The following CNTNAP2 variants were observed in gnomAD, a reference collection of about 807,000 sequenced individuals.
CNTNAP2 encodes the protein contactin associated protein 2.
Under a neutral mutation model 155.2 loss-of-function variants are expected in CNTNAP2, and 98 were observed. That is an observed-to-expected ratio of 0.63 (90% CI 0.54 to 0.75). CNTNAP2 has a LOEUF of 0.75. Among genes scored for constraint, CNTNAP2 ranks in the 30% least tolerant of loss-of-function variants. The probability of loss-of-function intolerance (pLI) is 0.00; values close to 1 mark genes in which losing one functional copy is unlikely to be tolerated. For missense variants in CNTNAP2, 1,727 were observed against 1,688.1 expected (o/e 1.02, Z -0.40); for synonymous variants, 651 against 631.2 (o/e 1.03, Z -0.47).
At chr7:146,259,773 T>G (rs1303953819) in intron 1 of CNTNAP2, among the ~76,000 whole-genome samples, 1 of 152,208 alleles carries the variant, frequency 6.6e-6, no homozygotes. Flanking sequence ...TTTGGAAAAT[T>G]TGCAGCGTGA....
At chr7:147,789,783 A>G (rs1961537) in intron 13 of CNTNAP2, among the ~76,000 whole-genome samples, 1 of 152,090 alleles carries the variant, frequency 6.6e-6, no homozygotes, top group African/African-American at 2.4e-5. Flanking sequence ...CCCATGCTGG[A>G]TGCTTCCTGC....
At chr7:146,716,659 C>A (rs1211230825) in intron 1 of CNTNAP2, among the ~76,000 whole-genome samples, 1 of 152,166 alleles carries the variant, frequency 6.6e-6, no homozygotes, top group Non-Finnish European at 1.5e-5. Context: ...GAACAAGTAA[C>A]TGAATGTCTC....
At chr7:146,858,451 T>C (rs920573662) in intron 3 of CNTNAP2, among the ~76,000 whole-genome samples, 5 of 152,314 alleles carry the variant, frequency 3.3e-5, no homozygotes, top group African/African-American at 1.2e-4. Flanking sequence ...CCCAGTACTT[T>C]GGGAGGCCAA....
intron 1 of CNTNAP2, among the ~76,000 whole-genome samples, chr7:146,418,136 G>T (rs1795963137): frequency 6.6e-6 from 1 of 152,198 alleles, no homozygotes; most frequent in Non-Finnish European, 1.5e-5. Context: ...AGAAGAAGAA[G>T]ATGTGACTTA....
chr7:147,759,730 A>G (rs1424815231), intron 13 of CNTNAP2, among the ~76,000 whole-genome samples: 1 of 152,198 alleles, frequency 6.6e-6, no homozygotes, highest in Admixed American at 6.5e-5. Context: ...TAAGTGATGC[A>G]TGTAGGCCAT....
chr7:146,397,609 A>G (rs1795648800), intron 1 of CNTNAP2, among the ~76,000 whole-genome samples: 1 of 152,142 alleles, frequency 6.6e-6, no homozygotes, highest in African/African-American at 2.4e-5. Flanking sequence ...TGTTTTTCCA[A>G]TGATCTCTAC....
At chr7:146,192,491 CA>C (rs1393174682) in intron 1 of CNTNAP2, among the ~76,000 whole-genome samples, 1 of 152,100 alleles carries the variant, frequency 6.6e-6, no homozygotes, top group Non-Finnish European at 1.5e-5. Flanking sequence ...AAAGGAGAAG[CA>C]AAGTCACATC....
chr7:146,616,444 T>A (rs559916109), intron 1 of CNTNAP2, among the ~76,000 whole-genome samples: 1 of 152,186 alleles, frequency 6.6e-6, no homozygotes, highest in African/African-American at 2.4e-5. Context: ...GATTGTTCAA[T>A]ATGAGGATGG....
At chr7:147,304,038 C>T (rs1563153137) in intron 9 of CNTNAP2, among the ~76,000 whole-genome samples, 1 of 152,128 alleles carries the variant, frequency 6.6e-6, no homozygotes, top group Admixed American at 6.5e-5. Context: ...CATTTTGTTT[C>T]TTTTGAAGTT....
intron 1 of CNTNAP2, among the ~76,000 whole-genome samples, chr7:146,323,250 T>C (rs1801036917): frequency 6.6e-6 from 1 of 152,276 alleles, no homozygotes; most frequent in Middle Eastern, 3.4e-3. Context: ...ATTTTTTTCC[T>C]TTTCATTAAT....
rs933573696 is a variant in CNTNAP2, at chr7:146,672,974, T to C, written c.98-101297T>C. 5.3e-5 allele frequency among the ~76,000 whole-genome samples: 8 copies of C among 152,254 alleles called. No homozygotes were observed. In the East Asian group the frequency reaches 1.5e-3, roughly 29 times the overall value. ...TTCCACTTAAAACTATCATTATAGA[T>C]TTGGTTACTACCTACTGCTCAGCAA... On this transcript the variant is annotated intron_variant, in intron 1 of 23. Coordinates refer to ENST00000361727, the MANE Select transcript of CNTNAP2 (RefSeq NM_014141.6).
rs577832646 is a variant in CNTNAP2, at chr7:146,658,013, T to C, written c.98-116258T>C. Among the ~76,000 whole-genome samples the C allele has an allele frequency of 1.3e-4, 20 of 152,180 alleles. No homozygotes were observed. In the East Asian group the frequency reaches 3.9e-3, roughly 29 times the overall value. ...TAAATATATGCATGTACAATAAATA[T>C]ATTTAAAATAATTTTTAAATTTCTA... On this transcript the variant is annotated intron_variant, in intron 1 of 23. Transcript: ENST00000361727.
chr7:148,048,160 G>C (rs919282745), intron 15 of CNTNAP2, among the ~76,000 whole-genome samples: 1 of 151,084 alleles, frequency 6.6e-6, no homozygotes, highest in East Asian at 2.0e-4. Context: ...TCCTGACCTC[G>C]TGATCCGCCC....
intron 12 of CNTNAP2, among the ~76,000 whole-genome samples, chr7:147,587,428 A>G (rs945403324): frequency 6.6e-6 from 1 of 152,212 alleles, no homozygotes; most frequent in African/African-American, 2.4e-5. Context: ...CAGAGACAAG[A>G]GAATCCCCAT....
chr7:148,203,729 A>G (rs1209937016), intron 18 of CNTNAP2, among the ~76,000 whole-genome samples: 3 of 151,718 alleles, frequency 2.0e-5, no homozygotes, highest in African/African-American at 7.3e-5. Flanking sequence ...GCCCAGCGAG[A>G]GTACATCTCA....
At position 146,181,124 on chromosome 7, in the gene CNTNAP2, G is replaced by C. The variant is rs1341508830; in HGVS notation, c.97+64151G>C. ...TTGAATGCATATGCTTCTGCAAAATGTACCATCATCAAGTTACTTTAAGCA... is the reference window on the plus strand; with the variant it reads ...TTGAATGCATATGCTTCTGCAAAATCTACCATCATCAAGTTACTTTAAGCA... On this transcript the variant is annotated intron_variant, in intron 1 of 23. Transcript: ENST00000361727. 1.3e-5 allele frequency among the ~76,000 whole-genome samples: 2 copies of C among 152,134 alleles called. 1 individual carries two copies. The highest frequency in any genetic ancestry group is 4.1e-4 in the South Asian group (2 of 4,836).
intron 13 of CNTNAP2, among the ~76,000 whole-genome samples, chr7:147,785,816 A>G (rs1584954193): frequency 6.6e-6 from 1 of 152,098 alleles, no homozygotes; most frequent in East Asian, 1.9e-4. Context: ...ACATGGTGAA[A>G]CCCCATCTCT....
At chr7:148,298,522 T>C (rs1350234039) in intron 21 of CNTNAP2, among the ~76,000 whole-genome samples, 1 of 152,088 alleles carries the variant, frequency 6.6e-6, no homozygotes, top group East Asian at 1.9e-4. Flanking sequence ...CCCACCCAGA[T>C]TGAGGGTGGG....
rs192466927 is a variant in CNTNAP2, at chr7:147,387,440, T to C, written c.1499-8169T>C. Among the ~76,000 whole-genome samples, 5 of 152,326 alleles carry C rather than the reference T, an allele frequency of 3.3e-5. No individual in the cohort carries two copies. The East Asian group carries it at 9.7e-4, about 29-fold the overall frequency. ...TCTTACACACCATGCTTTATTCTTC[T>C]CATTGAATCTCATCAGGTGGCCCCC... On this transcript the variant is annotated intron_variant, in intron 9 of 23. Coordinates refer to ENST00000361727, the MANE Select transcript of CNTNAP2 (RefSeq NM_014141.6).
Sources: allele counts gnomAD v4.1 joint callset (sites outside exome capture counted in the v4.1 genomes callset), GRCh38; gene constraint gnomAD v4.1.1; transcripts MANE v1.5; gene names NCBI Gene and HGNC (gene_info 2026-07-23, HGNC 2026-07-21).